The following TMEM200C variants were observed in gnomAD, a reference collection of about 807,000 sequenced individuals.
TMEM200C encodes the protein transmembrane protein 200C.
For synonymous variants in TMEM200C, 462 were observed against 324.7 expected, an observed-to-expected ratio of 1.42 and a Z score of -4.55; for missense variants, 966 against 699.9, an observed-to-expected ratio of 1.38 and a Z score of -4.29.
intron 2 of TMEM200C, 133 bp downstream of exon 1, chr18:5,894,897 G>C (rs962686545): frequency 6.6e-6 from 1 of 152,296 alleles, no homozygotes; most frequent in Non-Finnish European, 1.5e-5. Flanking sequence ...CCGGGAAAAA[G>C]CCTCTCACCG....
At chr18:5,890,320 G>A (rs747759675) in exon 3 of TMEM200C, 7 of 1,604,262 alleles carry the variant, frequency 4.4e-6, no homozygotes, top group Non-Finnish European at 6.0e-6. Context: ...GCCGTGGGTG[G>A]CTCCTGGCTG....
exon 3 of TMEM200C, chr18:5,890,370 G>A (rs757391631): frequency 3.1e-6 from 5 of 1,592,594 alleles, no homozygotes; most frequent in Middle Eastern, 1.7e-4. Context: ...CAGAACGGGG[G>A]CGGCCACAGC....
intron 2 of TMEM200C, 103 bp from the exon 2 acceptor site, chr18:5,892,260 AC>A: frequency 1.6e-6 from 1 of 615,046 alleles, no homozygotes; most frequent in Non-Finnish European, 2.8e-6. Context: ...TGTGCCCCCC[AC>A]CCCAGGGCCT....
chr18:5,886,475 C>T (rs1375207314), exon 3 of TMEM200C: 1 of 152,160 alleles, frequency 6.6e-6, no homozygotes. Flanking sequence ...GGCATTGCAG[C>T]AGCATAAGCC....
exon 3 of TMEM200C, chr18:5,889,551 T>A (rs1378383491): frequency 6.6e-6 from 1 of 152,238 alleles, no homozygotes; most frequent in African/African-American, 2.4e-5. Flanking sequence ...ATCTAGTTCC[T>A]GGTCCCCTCC....
chr18:5,889,184 A>G (rs1170215238), exon 3 of TMEM200C: 1 of 152,254 alleles, frequency 6.6e-6, no homozygotes, highest in Non-Finnish European at 1.5e-5. Flanking sequence ...GTAAATGAGA[A>G]GTATCATAGG....
At chr18:5,890,909 T>C (rs1426923888) in exon 3 of TMEM200C, 2 of 681,880 alleles carry the variant, frequency 2.9e-6, no homozygotes, top group Admixed American at 4.1e-5. Context: ...CGCGGCCCCC[T>C]TGCAAGGGCA....
At chr18:5,890,887 C>A (rs1274492480) in exon 3 of TMEM200C, 3 of 682,556 alleles carry the variant, frequency 4.4e-6, no homozygotes, top group Admixed American at 2.1e-5. Context: ...CCCTCCGCGT[C>A]CCCGCCCCTA....
At chr18:5,894,149 G>A (rs2095173745) in intron 2 of TMEM200C, among the ~76,000 whole-genome samples, 1 of 152,128 alleles carries the variant, frequency 6.6e-6, no homozygotes, top group Non-Finnish European at 1.5e-5. Flanking sequence ...GTTTTGTTGG[G>A]CATTGATCAG....
rs529202747 is a variant in TMEM200C at position 5,882,914 on chromosome 18, A to G, written c.*7284T>C. 1.4e-4 allele frequency: 22 copies of G among 152,274 alleles called. No individual in the cohort carries two copies. In the East Asian group the frequency reaches 3.5e-3, roughly 24 times the overall value. The allele number at this position is 152,274 out of a possible 1,614,324, so 9.4% of individuals were successfully genotyped here. ...AACCTGCAATGGTTACATAAGCAGAAGGATTAGTATTTAGGTCACCAAATT... is the reference window on the plus strand; with the variant it reads ...AACCTGCAATGGTTACATAAGCAGAGGGATTAGTATTTAGGTCACCAAATT... On this transcript the variant is annotated 3_prime_UTR_variant, in exon 3 of 3. Transcript: ENST00000581347.
chr18:5,891,895 G>C lies in TMEM200C; in HGVS notation c.169C>G (p.Leu57Val), dbSNP rs1567888223. ...ACCAGCAGCACCAGGATCCCACAGAGGGCGATGAGCCCTGAGATGGAGCAC... is the reference window on the plus strand; with the variant it reads ...ACCAGCAGCACCAGGATCCCACAGACGGCGATGAGCCCTGAGATGGAGCAC... The change falls in exon 3 of 3, where the codon CTC becomes GTC. Residue 57 changes from leucine to valine, a missense_variant. Leu to Val is a conservative substitution (Grantham distance 32, BLOSUM62 1). Transcript: ENST00000581347. The surrounding 1 kb of genome is among the most constrained non-coding windows in gnomAD (Gnocchi z 4.7). 6.2e-7 allele frequency: 1 copy of C among 1,612,928 alleles called. No individual in the cohort carries two copies. The highest frequency in any genetic ancestry group is 1.7e-5 in the Admixed American group (1 of 60,002).
exon 3 of TMEM200C, chr18:5,892,008 C>T (rs374225402): frequency 1.2e-6 from 2 of 1,613,912 alleles, no homozygotes; most frequent in East Asian, 2.2e-5. Flanking sequence ...GCTTGGGGGG[C>T]GGAGTGGATC....
chr18:5,892,518 T>C (rs9948128), intron 2 of TMEM200C, among the ~76,000 whole-genome samples: 67,827 of 151,964 alleles, frequency 0.45, 15,317 homozygotes, highest in East Asian at 0.67. Context: ...AACCTAAATG[T>C]AGGGACTCAA....
intron 2 of TMEM200C, among the ~76,000 whole-genome samples, chr18:5,894,548 A>C (rs2095174112): frequency 6.6e-6 from 1 of 152,214 alleles, no homozygotes; most frequent in Non-Finnish European, 1.5e-5. Context: ...GGATGGGGGA[A>C]GCAAAGGAGG....
In TMEM200C at chr18:5,890,450, TGTG is replaced by T; in HGVS notation, c.1611_1613del (p.Tyr537_Thr538delinsTer). 1 of 1,575,068 alleles carries T rather than the reference TGTG, an allele frequency of 6.3e-7. No homozygotes were observed. The highest frequency in any genetic ancestry group is 8.6e-7 in the Non-Finnish European group (1 of 1,157,814). On this transcript the variant is annotated stop_gained and inframe_deletion, in exon 3 of 3. Transcript: ENST00000581347. LOFTEE classifies it low-confidence loss of function (END_TRUNC). ...TGGAGGTGCCGGCCTCCCGCAGGGG[TGTG>T]TAGCCCTTATTGCTGCTGGATGGGT...
chr18:5,885,319 C>G (rs1397335761), exon 3 of TMEM200C: 1 of 152,142 alleles, frequency 6.6e-6, no homozygotes, highest in Admixed American at 6.5e-5. Context: ...CAGGCCCATA[C>G]TTTGTAACAC....
rs144802452 is a variant in TMEM200C at position 5,890,165 on chromosome 18, TTC to T, written c.*31_*32del. On this transcript the variant is annotated 3_prime_UTR_variant, in exon 3 of 3. Coordinates refer to ENST00000581347, the Ensembl canonical transcript of TMEM200C. ...GATTCAAGTGGGCGTTTCTCCCATT[TTC>T]TCTTTCCTCCTCCCCAACCCACCCC... 1.6e-3 allele frequency: 2,374 copies of T among 1,488,752 alleles called. 21 individuals carry two copies. The African/African-American group carries it at 0.02, about 12-fold the overall frequency. 92.2% of individuals were successfully genotyped at this position (1,488,752 alleles called of 1,614,324 possible). A position where few individuals can be genotyped will look rare whatever the true frequency, so the allele number is the denominator to read the frequency against.
exon 3 of TMEM200C, chr18:5,884,838 TATAGAC>T (rs1187694256): frequency 3.3e-5 from 5 of 152,158 alleles, no homozygotes; most frequent in Admixed American, 1.3e-4. Context: ...TCTTTAGACA[TATAGAC>T]ATAGTTTAAA....
At chr18:5,885,374 T>C (rs2095164643) in exon 3 of TMEM200C, 1 of 152,214 alleles carries the variant, frequency 6.6e-6, no homozygotes, top group Admixed American at 6.5e-5. Flanking sequence ...TCACCAGCAA[T>C]GACAGTATGT....
Sources: gnomAD v4.1 joint callset for allele counts (sites outside exome capture counted in the v4.1 genomes callset) on GRCh38, gnomAD v4.1.1 for gene constraint, Gnocchi (gnomAD v3.1) non-coding constraint, MANE v1.5 for transcripts, NCBI Gene and HGNC (gene_info 2026-07-23, HGNC 2026-07-21) for gene names.